The following NRG1 variants were observed in gnomAD, a reference collection of about 807,000 sequenced individuals.
NRG1 encodes the protein neuregulin 1.
Under a neutral mutation model 63.8 loss-of-function variants are expected in NRG1, and 18 were observed. That is an observed-to-expected ratio of 0.28 (90% CI 0.19 to 0.42). The LOEUF (loss-of-function observed/expected upper bound fraction) is 0.42, where lower values mean the gene tolerates loss of function less well. NRG1 is among the 10% of genes least tolerant of loss of function. The pLI is 1.00. For missense variants in NRG1, 762 were observed against 814.7 expected (o/e 0.94, Z 0.79); for synonymous variants, 302 against 301.3 (o/e 1.00, Z -0.02).
chr8:32,006,809 T>C (rs140916103), intron 1 of NRG1, among the ~76,000 whole-genome samples: 2 of 152,152 alleles, frequency 1.3e-5, no homozygotes, highest in Non-Finnish European at 2.9e-5. Flanking sequence ...CAGTAAGCCA[T>C]CACCTTGACT....
At chr8:31,860,198 C>T (rs1563495306) in intron 1 of NRG1, among the ~76,000 whole-genome samples, 2 of 152,162 alleles carry the variant, frequency 1.3e-5, no homozygotes, top group African/African-American at 4.8e-5. Context: ...GATATAGTCT[C>T]CAAATGGATA....
At chr8:31,972,400 G>A (rs367688554) in intron 1 of NRG1, among the ~76,000 whole-genome samples, 4 of 152,034 alleles carry the variant, frequency 2.6e-5, no homozygotes, top group African/African-American at 7.2e-5. Flanking sequence ...TCCATATGTC[G>A]ACAGGAATCT....
chr8:31,889,508 G>A (rs1830981664), intron 1 of NRG1, among the ~76,000 whole-genome samples: 1 of 152,126 alleles, frequency 6.6e-6, no homozygotes, highest in African/African-American at 2.4e-5. Context: ...ACAGGAAGAG[G>A]GGCCTCTGCT....
chr8:32,727,850 T>C, intron 5 of NRG1, 99 bp from the exon 6 acceptor site: 1 of 1,229,578 alleles, frequency 8.1e-7, no homozygotes, highest in South Asian at 1.5e-5. Context: ...AATCTGTACC[T>C]TATATGAACT....
intron 1 of NRG1, among the ~76,000 whole-genome samples, chr8:32,002,303 C>T (rs371019008): frequency 1.3e-3 from 197 of 152,176 alleles, no homozygotes; most frequent in African/African-American, 4.0e-3. Flanking sequence ...GGATTACAGG[C>T]GTGAGCCACC....
chr8:32,244,225 A>G (rs1037663610), intron 1 of NRG1, among the ~76,000 whole-genome samples: 1 of 152,124 alleles, frequency 6.6e-6, no homozygotes. Flanking sequence ...TTTATATTCC[A>G]CATGTTGGCA....
intron 1 of NRG1, among the ~76,000 whole-genome samples, chr8:32,370,431 C>T (rs1355336973): frequency 6.6e-6 from 1 of 152,006 alleles, no homozygotes; most frequent in Non-Finnish European, 1.5e-5. Flanking sequence ...TATTTGAATC[C>T]CTATCCTACA....
At chr8:31,886,018 G>A (rs1463838316) in intron 1 of NRG1, among the ~76,000 whole-genome samples, 1 of 152,072 alleles carries the variant, frequency 6.6e-6, no homozygotes, top group Non-Finnish European at 1.5e-5. Context: ...GTTTTCATTA[G>A]TAAATATGAT....
At chr8:31,755,900 A>T (rs576605735) in intron 1 of NRG1, among the ~76,000 whole-genome samples, 1 of 152,114 alleles carries the variant, frequency 6.6e-6, no homozygotes, top group African/African-American at 2.4e-5. Context: ...AGATTTTCCC[A>T]TAGGATCAAG....
intron 1 of NRG1, among the ~76,000 whole-genome samples, chr8:31,776,602 A>G (rs543597516): frequency 6.6e-6 from 1 of 152,058 alleles, no homozygotes; most frequent in African/African-American, 2.4e-5. Flanking sequence ...GGTTTGTTAC[A>G]TATGTATACA....
At chr8:32,609,250 C>T (rs1402338443) in intron 3 of NRG1, among the ~76,000 whole-genome samples, 7 of 152,094 alleles carry the variant, frequency 4.6e-5, no homozygotes, top group Non-Finnish European at 7.4e-5. Flanking sequence ...ATCTTGATCC[C>T]TTATCCTCTT....
chr8:32,047,636 A>AT (rs1407243067), intron 1 of NRG1, among the ~76,000 whole-genome samples: 1 of 151,858 alleles, frequency 6.6e-6, no homozygotes, highest in Non-Finnish European at 1.5e-5. Context: ...ATTCCTTTTT[A>AT]TTTTTTAATT....
chr8:32,049,126 A>C (rs751661431), intron 1 of NRG1, among the ~76,000 whole-genome samples: 4 of 152,130 alleles, frequency 2.6e-5, no homozygotes, highest in Non-Finnish European at 5.9e-5. Flanking sequence ...TGGATCACTT[A>C]AAGCCAGGTT....
At chr8:32,151,190 G>C (rs1837464790) in intron 1 of NRG1, among the ~76,000 whole-genome samples, 1 of 152,154 alleles carries the variant, frequency 6.6e-6, no homozygotes, top group Non-Finnish European at 1.5e-5. Context: ...TCATTGCCCA[G>C]AGAGATTCCC....
intron 1 of NRG1, among the ~76,000 whole-genome samples, chr8:31,939,816 C>T (rs1018319384): frequency 6.6e-6 from 1 of 152,062 alleles, no homozygotes; most frequent in Non-Finnish European, 1.5e-5. Context: ...TTTAAAAAGA[C>T]AAATATGTTC....
chr8:32,660,839 G>A (rs2954042), intron 5 of NRG1, among the ~76,000 whole-genome samples: 7,943 of 152,250 alleles, frequency 0.052, 642 homozygotes, highest in East Asian at 0.37. Flanking sequence ...ATGAGCTGTC[G>A]TTACTAGGCA....
chr8:32,555,841 T>G (rs1259125723), intron 1 of NRG1, among the ~76,000 whole-genome samples: 1 of 152,256 alleles, frequency 6.6e-6, no homozygotes, highest in African/African-American at 2.4e-5. Context: ...AATTCCACCC[T>G]GTACTTGTTA....
chr8:31,679,100 A>G (rs1563284850), intron 1 of NRG1, among the ~76,000 whole-genome samples: 1 of 152,000 alleles, frequency 6.6e-6, no homozygotes, highest in Admixed American at 6.6e-5. Flanking sequence ...CTCTTTGCAC[A>G]TGCTTCTTCT....
chr8:32,045,818 G>A (rs574137124), intron 1 of NRG1, among the ~76,000 whole-genome samples: 5 of 151,978 alleles, frequency 3.3e-5, no homozygotes, highest in Admixed American at 6.6e-5. Flanking sequence ...AAAATGGATC[G>A]TAGATTTAAA....
Sources: allele counts gnomAD v4.1 joint callset (sites outside exome capture counted in the v4.1 genomes callset), GRCh38; gene constraint gnomAD v4.1.1; transcripts MANE v1.5; gene names NCBI Gene and HGNC (gene_info 2026-07-23, HGNC 2026-07-21).